ACOX3: variants seen among roughly 807,000 people sequenced by gnomAD.
ACOX3 encodes the protein acyl-CoA oxidase 3, pristanoyl, also known as peroxisomal acyl-coenzyme A oxidase 3.
In ACOX3, 73 loss-of-function variants were observed where a neutral mutation model predicts 81.5. The ratio of observed to expected loss-of-function variants is 0.90; its 90% CI spans 0.74 to 1.09. The LOEUF is 1.09. Among genes scored for constraint, ACOX3 ranks in the 50% least tolerant of loss-of-function variants. The probability of loss-of-function intolerance (pLI) is 0.00; values close to 1 mark genes in which losing one functional copy is unlikely to be tolerated. For missense variants in ACOX3, 947 were observed against 928.0 expected (o/e 1.02, Z -0.27); for synonymous variants, 387 against 375.1 (o/e 1.03, Z -0.37).
chr4:8,377,491 G>A (rs569217987), intron 14 of ACOX3, among the ~76,000 whole-genome samples: 7 of 151,636 alleles, frequency 4.6e-5, no homozygotes, highest in South Asian at 2.1e-4. Context: ...AGCAAAAGGC[G>A]TCATGGCTCC....
chr4:8,361,431 A>C (rs1203261117), downstream of ACOX3, among the ~76,000 whole-genome samples: 44 of 135,748 alleles, frequency 3.2e-4, no homozygotes, highest in East Asian at 6.5e-3. Flanking sequence ...ATCTCAAAAA[A>C]AAAAAAAAAA....
intron 1 of ACOX3, among the ~76,000 whole-genome samples, chr4:8,426,580 C>G (rs1363554022): frequency 1.4e-5 from 2 of 147,692 alleles, no homozygotes; most frequent in East Asian, 4.0e-4. Flanking sequence ...TGCCGCTATA[C>G]TACCAGTAGC....
At position 8,389,834 on chromosome 4, in the gene ACOX3, G is replaced by A; in HGVS notation, c.1301-100C>T. Reference sequence around the variant, plus strand: ...AAAAAGCCTTAAGAGGCTGGGTGCGGTGGCTCACACCTGTAATGGCAGCAC... The same window carrying A: ...AAAAAGCCTTAAGAGGCTGGGTGCGATGGCTCACACCTGTAATGGCAGCAC... On this transcript the variant is annotated intron_variant, in intron 11 of 17. Transcript: ENST00000356406. This position sits in a 1 kb window ranked among gnomAD's most constrained non-coding sequence, Gnocchi z 5.3. 6.7e-7 allele frequency: 1 copy of A among 1,502,474 alleles called. No homozygotes were observed. Among genetic ancestry groups the A allele is most frequent in the Non-Finnish European group, 9.0e-7 (1 of 1,106,940 alleles). The allele number at this position is 1,502,474 out of a possible 1,614,324, so 93.1% of individuals were successfully genotyped here.
chr4:8,418,491 C>T (rs1032832714), intron 1 of ACOX3, among the ~76,000 whole-genome samples: 6 of 150,106 alleles, frequency 4.0e-5, no homozygotes, highest in East Asian at 3.9e-4. Flanking sequence ...TCTTAAGACT[C>T]AATAATAAAA....
chr4:8,393,526 A>G (rs888583763), intron 10 of ACOX3, among the ~76,000 whole-genome samples: 1 of 150,828 alleles, frequency 6.6e-6, no homozygotes, highest in Non-Finnish European at 1.5e-5. Context: ...AAAACTTAAG[A>G]GACTGATTCA....
chr4:8,362,457 G>A (rs768760426), downstream of ACOX3, among the ~76,000 whole-genome samples: 1 of 152,182 alleles, frequency 6.6e-6, no homozygotes, highest in Non-Finnish European at 1.5e-5. Context: ...AACTATTTGT[G>A]AGTATTCTTA....
intron 1 of ACOX3, among the ~76,000 whole-genome samples, chr4:8,422,900 G>T (rs1399552340): frequency 6.6e-6 from 1 of 152,186 alleles, no homozygotes; most frequent in Non-Finnish European, 1.5e-5. Flanking sequence ...CCTCATCCAT[G>T]CCCCTCATGT....
chr4:8,424,822 G>A (rs950629910), intron 1 of ACOX3, among the ~76,000 whole-genome samples: 3 of 152,250 alleles, frequency 2.0e-5, no homozygotes, highest in Middle Eastern at 6.8e-3. Context: ...GACTGATCCC[G>A]ACCTCAACTT....
chr4:8,440,104 G>A (rs1724515796), intron 1 of ACOX3, among the ~76,000 whole-genome samples: 1 of 152,204 alleles, frequency 6.6e-6, no homozygotes, highest in Non-Finnish European at 1.5e-5. Context: ...TGTTCTGTTA[G>A]CTGATTCATG....
Position 8,419,130 on chromosome 4 carries a change from A to C in ACOX3, c.-14-2595T>G, listed in dbSNP as rs1224820915. On this transcript the variant is annotated intron_variant, in intron 1 of 17. Coordinates refer to ENST00000356406, the MANE Select transcript of ACOX3 (RefSeq NM_003501.3). This position sits in a 1 kb window ranked among gnomAD's most constrained non-coding sequence, Gnocchi z 4.2. ...AGCCTGGGTGATACAGCAAGACCTT[A>C]TCTCTTAAAGAACCAGATAAATAGG... 1.3e-5 allele frequency among the ~76,000 whole-genome samples: 2 copies of C among 151,904 alleles called. No homozygotes were observed. The highest frequency in any genetic ancestry group is 2.9e-5 in the Non-Finnish European group (2 of 67,976).
At position 8,386,270 on chromosome 4, in the gene ACOX3, T is replaced by C. The variant is rs760124778; in HGVS notation, c.1537+2903A>G. 1.4e-4 allele frequency among the ~76,000 whole-genome samples: 22 copies of C among 152,138 alleles called. No homozygotes were observed. Among genetic ancestry groups the C allele is most frequent in the Non-Finnish European group, 2.9e-4 (20 of 68,030 alleles). On this transcript the variant is annotated intron_variant, in intron 13 of 17. Transcript: ENST00000356406. This position sits in a 1 kb window ranked among gnomAD's most constrained non-coding sequence, Gnocchi z 5.2. ...TTTCTGTGGCAACATTTGGGAAGCT[T>C]AGAAAGTGACTTGCGGCCGGGCGTG...
chr4:8,367,805 AC>A (rs1283032993), intron 17 of ACOX3, among the ~76,000 whole-genome samples: 2 of 119,726 alleles, frequency 1.7e-5, no homozygotes, highest in African/African-American at 4.0e-5. Context: ...CCCCATCTTT[AC>A]AAAAAAAAAA....
chr4:8,392,332 C>T lies in ACOX3; in HGVS notation c.1300+1G>A, dbSNP rs1719092557. On this transcript the variant is annotated splice_donor_variant, in intron 11 of 17. Transcript: ENST00000356406. LOFTEE classifies it high-confidence loss of function. ...CCACCATGCGCTTCTCCAAAACCTA[C>T]TGGCCAGATAGCCGTGTCCTCCACA... 6 of 1,566,656 alleles carry T rather than the reference C, an allele frequency of 3.8e-6. No individual in the cohort carries two copies. The highest frequency in any genetic ancestry group is 5.2e-6 in the Non-Finnish European group (6 of 1,158,684).
rs1206854485 is a variant in ACOX3 at position 8,414,070 on chromosome 4, T to G, written c.543+222A>C. On this transcript the variant is annotated intron_variant, in intron 5 of 17. Coordinates refer to ENST00000356406, the MANE Select transcript of ACOX3 (RefSeq NM_003501.3). This position sits in a 1 kb window ranked among gnomAD's most constrained non-coding sequence, Gnocchi z 6.1. ...CACACAAATCCAAACCACGATCAAT[T>G]CCCCATAAAGTTCATGGTGGGCACA... 6.6e-6 allele frequency among the ~76,000 whole-genome samples: 1 copy of G among 152,086 alleles called. No individual in the cohort carries two copies. The highest frequency in any genetic ancestry group is 2.4e-5 in the African/African-American group (1 of 41,426).
At chr4:8,427,464 A>G (rs1390774885) in intron 1 of ACOX3, among the ~76,000 whole-genome samples, 1 of 152,146 alleles carries the variant, frequency 6.6e-6, no homozygotes, top group African/African-American at 2.4e-5. Flanking sequence ...CTCCAGATCC[A>G]GCAGGGTGTC....
intron 3 of ACOX3, 55 bp downstream of exon 3, chr4:8,415,711 C>A: frequency 6.5e-7 from 1 of 1,534,344 alleles, no homozygotes; most frequent in South Asian, 1.1e-5. Flanking sequence ...AGGCATCCCT[C>A]AAGGCTCAGC....
At chr4:8,360,751 G>A in the ACOX3 span, among the ~76,000 whole-genome samples, 2 of 151,966 alleles carry the variant, frequency 1.3e-5, no homozygotes, top group African/African-American at 4.8e-5. Flanking sequence ...GGATTACAAG[G>A]GTGAGCCACT....
Position 8,440,652 on chromosome 4 carries a change from A to G in ACOX3, c.-19T>C, listed in dbSNP as rs911925016. The G allele has an allele frequency of 6.7e-6, 5 of 751,302 alleles. No individual in the cohort carries two copies. Among genetic ancestry groups the G allele is most frequent in the Non-Finnish European group, 9.8e-6 (5 of 508,234 alleles). 46.5% of individuals were successfully genotyped at this position (751,302 alleles called of 1,614,324 possible). A position where few individuals can be genotyped will look rare whatever the true frequency, so the allele number is the denominator to read the frequency against. ...AACACAGGTCAAATTCCTCACCCAC[A>G]CACTCCACAGTTCAACCCCTGCCAG... On this transcript the variant is annotated 5_prime_UTR_variant, in exon 1 of 18. Coordinates refer to ENST00000356406, the MANE Select transcript of ACOX3 (RefSeq NM_003501.3).
At chr4:8,436,265 T>G (rs1276947235) in intron 1 of ACOX3, 10 of 151,338 alleles carry the variant, frequency 6.6e-5, no homozygotes, top group African/African-American at 1.7e-4. Context: ...ATCAGTAGAC[T>G]GGGAGCTATA....
Sources: allele counts gnomAD v4.1 joint callset (sites outside exome capture counted in the v4.1 genomes callset), GRCh38; gene constraint gnomAD v4.1.1; non-coding constraint Gnocchi (gnomAD v3.1); transcripts MANE v1.5; gene names NCBI Gene and HGNC (gene_info 2026-07-23, HGNC 2026-07-21).